The following DNM3 variants were observed in gnomAD, a reference collection of about 807,000 sequenced individuals.
The protein encoded by DNM3 is dynamin 3.
DNM3 carries 47 observed loss-of-function variants against 101.6 expected under a neutral mutation model. That is an observed-to-expected ratio of 0.46 (90% CI 0.37 to 0.59). The LOEUF is 0.59. Among genes scored for constraint, DNM3 ranks in the 20% least tolerant of loss-of-function variants. The pLI is 0.00. For missense variants in DNM3, 849 were observed against 1,085.7 expected (o/e 0.78, Z 3.06); for synonymous variants, 385 against 387.9 (o/e 0.99, Z 0.09).
chr1:172,397,953 T>TTG (rs1213959581), intron 20 of DNM3, among the ~76,000 whole-genome samples: 1 of 152,180 alleles, frequency 6.6e-6, no homozygotes, highest in Non-Finnish European at 1.5e-5. Flanking sequence ...TTCTAGAGGA[T>TTG]TACAAGTTAT....
intron 16 of DNM3, among the ~76,000 whole-genome samples, chr1:172,316,993 A>AGC (rs2065404457): frequency 6.6e-6 from 1 of 152,210 alleles, no homozygotes; most frequent in Admixed American, 6.5e-5. Flanking sequence ...TGGGAAGTAA[A>AGC]GCTCTCCTCA....
chr1:171,866,823 C>T (rs1025229246), intron 1 of DNM3, among the ~76,000 whole-genome samples: 1 of 151,990 alleles, frequency 6.6e-6, no homozygotes, highest in East Asian at 1.9e-4. Flanking sequence ...TTTAGGCATG[C>T]CACATTATAA....
intron 14 of DNM3, among the ~76,000 whole-genome samples, chr1:172,206,036 C>A (rs954438220): frequency 6.6e-6 from 1 of 152,088 alleles, no homozygotes; most frequent in African/African-American, 2.4e-5. Flanking sequence ...AATTTTCACT[C>A]ATTTCATTAT....
intron 1 of DNM3, among the ~76,000 whole-genome samples, chr1:171,857,798 T>C (rs1242702837): frequency 1.3e-5 from 2 of 152,070 alleles, no homozygotes; most frequent in Non-Finnish European, 2.9e-5. Context: ...AAACCCCAAA[T>C]ATAACGATAT....
rs137969157 is a variant in DNM3, at chr1:172,042,000, C to A, written c.993-9C>A. ...TTGACTTGAATCTATTTCTCTTTAA[C>A]AATTACAGGATGGTTCAGCAATTTG... is the stretch of plus-strand genomic sequence containing the variant. On this transcript the variant is annotated splice_polypyrimidine_tract_variant and intron_variant, in intron 7 of 20. Transcript: ENST00000627582. 861 of 1,569,488 alleles carry A rather than the reference C, an allele frequency of 5.5e-4. 7 individuals carry two copies. In the African/African-American group the frequency reaches 0.011, roughly 20 times the overall value.
intron 17 of DNM3, among the ~76,000 whole-genome samples, chr1:172,331,054 C>T (rs918147217): frequency 2.6e-5 from 4 of 152,146 alleles, no homozygotes; most frequent in Non-Finnish European, 5.9e-5. Flanking sequence ...TATTAGGAGT[C>T]TCCAAATGCT....
chr1:172,318,566 A>G (rs1243542105), intron 16 of DNM3, among the ~76,000 whole-genome samples: 1 of 152,202 alleles, frequency 6.6e-6, no homozygotes, highest in African/African-American at 2.4e-5. Context: ...AATGTACAAA[A>G]ATCACAAGCA....
intron 11 of DNM3, among the ~76,000 whole-genome samples, chr1:172,070,369 G>T (rs12094060): frequency 6.4e-4 from 98 of 152,234 alleles, no homozygotes; most frequent in African/African-American, 2.2e-3. Flanking sequence ...TTAAGAATCA[G>T]CTGTACTCCT....
intron 4 of DNM3, among the ~76,000 whole-genome samples, chr1:172,016,332 A>AT (rs745701705): frequency 6.6e-6 from 1 of 152,024 alleles, no homozygotes; most frequent in East Asian, 1.9e-4. Context: ...AATTTTGTCA[A>AT]TTTTTTCTGC....
intron 6 of DNM3, among the ~76,000 whole-genome samples, chr1:172,037,466 G>A (rs1004648175): frequency 6.6e-6 from 1 of 152,042 alleles, no homozygotes; most frequent in South Asian, 2.1e-4. Flanking sequence ...TGCATTTCTA[G>A]GAAGTTTATA....
chr1:172,076,789 G>GTC (rs1252500961), intron 11 of DNM3, among the ~76,000 whole-genome samples: 2 of 152,138 alleles, frequency 1.3e-5, no homozygotes, highest in East Asian at 3.8e-4. Flanking sequence ...TTTTGTGTGT[G>GTC]TCTCTGCCAG....
At chr1:172,032,973 A>T in intron 5 of DNM3, 132 bp from the exon 6 acceptor site, 1 of 1,096,192 alleles carries the variant, frequency 9.1e-7, no homozygotes, top group Non-Finnish European at 1.3e-6. Context: ...ATTGAGTTTT[A>T]TAAAGGAACT....
chr1:172,128,691 A>C (rs1271037651), intron 13 of DNM3, among the ~76,000 whole-genome samples: 1 of 152,180 alleles, frequency 6.6e-6, no homozygotes, highest in Non-Finnish European at 1.5e-5. Flanking sequence ...TCTTAATGGA[A>C]ACTAGTCAAT....
chr1:172,020,573 A>G (rs1474839211), intron 4 of DNM3, among the ~76,000 whole-genome samples: 1 of 151,944 alleles, frequency 6.6e-6, no homozygotes, highest in Non-Finnish European at 1.5e-5. Context: ...ACAAAAAAAA[A>G]TTAGCCGGGC....
chr1:172,331,901 G>A (rs569981828), intron 17 of DNM3, among the ~76,000 whole-genome samples: 1 of 152,156 alleles, frequency 6.6e-6, no homozygotes, highest in African/African-American at 2.4e-5. Context: ...GTTCAGGGGA[G>A]AGATGATGAT....
intron 12 of DNM3, among the ~76,000 whole-genome samples, chr1:172,085,276 A>G (rs1177502793): frequency 1.3e-5 from 2 of 151,996 alleles, no homozygotes; most frequent in Non-Finnish European, 2.9e-5. Flanking sequence ...AATTACATAT[A>G]TTTTTACATA....
At chr1:172,184,148 A>G (rs1211405775) in intron 14 of DNM3, among the ~76,000 whole-genome samples, 5 of 152,060 alleles carry the variant, frequency 3.3e-5, no homozygotes, top group African/African-American at 4.8e-5. Context: ...TATTGTTGCA[A>G]TGTTTTCTAA....
chr1:171,881,894 A>G (rs1370874620), intron 1 of DNM3, among the ~76,000 whole-genome samples: 1 of 152,226 alleles, frequency 6.6e-6, no homozygotes, highest in Non-Finnish European at 1.5e-5. Context: ...ACGTTGCATA[A>G]CATTTTAGGA....
At position 172,290,336 on chromosome 1, in the gene DNM3, G is replaced by A. The variant is rs548005416; in HGVS notation, c.1770-18392G>A. On this transcript the variant is annotated intron_variant, in intron 15 of 20. Coordinates refer to ENST00000627582, the MANE Select transcript of DNM3 (RefSeq NM_015569.5). Reference sequence around the variant, plus strand: ...AGAGGGGTTAGGGGAGGCTTCTCTAGGGGATATTAGTGGATTATCAATGTG... The same window carrying A: ...AGAGGGGTTAGGGGAGGCTTCTCTAAGGGATATTAGTGGATTATCAATGTG... Among the ~76,000 whole-genome samples, 33 of 152,262 alleles carry A rather than the reference G, an allele frequency of 2.2e-4. No homozygotes were observed. The South Asian group carries it at 6.6e-3, about 31-fold the overall frequency.
Sources: gnomAD v4.1 joint callset for allele counts (sites outside exome capture counted in the v4.1 genomes callset) on GRCh38, gnomAD v4.1.1 for gene constraint, MANE v1.5 for transcripts, NCBI Gene and HGNC (gene_info 2026-07-23, HGNC 2026-07-21) for gene names.